Variants in PDZD9 observed in about 807,000 individuals in gnomAD.
PDZD9 encodes PDZ domain containing 9.
A neutral mutation model predicts 16.3 loss-of-function variants in PDZD9; 13 were observed. The ratio of observed to expected loss-of-function variants is 0.80; its 90% CI spans 0.52 to 1.27. The LOEUF is 1.27. Among genes scored for constraint, PDZD9 ranks in the 50% most tolerant of loss-of-function variants. PDZD9 has a pLI of 0.00. For missense variants in PDZD9, 288 were observed against 310.9 expected (o/e 0.93, Z 0.55); for synonymous variants, 120 against 111.0 (o/e 1.08, Z -0.51).
the PDZD9 span, among the ~76,000 whole-genome samples, chr16:21,961,727 C>G: frequency 7.0e-6 from 1 of 143,584 alleles, no homozygotes; most frequent in South Asian, 2.2e-4. Context: ...TCTTGGCTCA[C>G]TGTAACCTCC....
the PDZD9 span, chr16:21,968,657 A>G: frequency 6.2e-7 from 1 of 1,609,788 alleles, no homozygotes; most frequent in Non-Finnish European, 8.5e-7. Context: ...ACCATTTCAC[A>G]AGTGCAAGAA....
At chr16:21,965,917 C>T in the PDZD9 span, among the ~76,000 whole-genome samples, 1 of 152,108 alleles carries the variant, frequency 6.6e-6, no homozygotes. Flanking sequence ...CTCTTAAGCT[C>T]AAGCAGTCCT....
At chr16:21,969,762 C>G in the PDZD9 span, among the ~76,000 whole-genome samples, 1 of 152,074 alleles carries the variant, frequency 6.6e-6, no homozygotes, top group Non-Finnish European at 1.5e-5. Context: ...ATTACCACTA[C>G]CTAATTTCAG....
chr16:21,977,187 A>T, the PDZD9 span, among the ~76,000 whole-genome samples: 1 of 152,110 alleles, frequency 6.6e-6, no homozygotes, highest in Non-Finnish European at 1.5e-5. Context: ...CACTGTCTTT[A>T]CAAAAAGATA....
intron 1 of PDZD9, 56 bp downstream of exon 1, chr16:22,000,961 A>T (rs1000883863): frequency 6.6e-7 from 1 of 1,512,716 alleles, no homozygotes; most frequent in Non-Finnish European, 8.8e-7. Flanking sequence ...GAGGAGGAAC[A>T]TTGACGAAGG....
In PDZD9 at chr16:21,986,328, TCTTA is replaced by T. The variant is rs570768125; in HGVS notation, c.402-1672_402-1669del. Among the ~76,000 whole-genome samples, 55 of 152,358 alleles carry T rather than the reference TCTTA, an allele frequency of 3.6e-4. No homozygotes were observed. The South Asian group carries it at 3.7e-3, about 10-fold the overall frequency. On this transcript the variant is annotated intron_variant, in intron 3 of 3. Coordinates refer to ENST00000424898, the MANE Select transcript of PDZD9 (RefSeq NM_001363519.1). Reference sequence around the variant, plus strand: ...TTGGTATTGTTTGTGGGTTTTCGCCTCTTACTTAAGTTGTACTGTTCTATCTTTT... The same window carrying T: ...TTGGTATTGTTTGTGGGTTTTCGCCTCTTAAGTTGTACTGTTCTATCTTTT...
Position 21,984,246 on chromosome 16 carries a change from G to T in PDZD9, c.*21C>A. 6.3e-7 allele frequency: 1 copy of T among 1,587,326 alleles called. No homozygotes were observed. The highest frequency in any genetic ancestry group is 8.6e-7 in the Non-Finnish European group (1 of 1,165,020). ...AAACTTGGGTGTCTGCAAGATAAATGCTCATATGACCACAGATTTGCTAAC... is the reference window on the plus strand; with the variant it reads ...AAACTTGGGTGTCTGCAAGATAAATTCTCATATGACCACAGATTTGCTAAC... On this transcript the variant is annotated 3_prime_UTR_variant, in exon 4 of 4. Transcript: ENST00000424898.
At chr16:21,983,094 A>G (rs1045051278), downstream of PDZD9, 1 of 1,613,516 alleles carries the variant, frequency 6.2e-7, no homozygotes, top group Non-Finnish European at 8.5e-7. Flanking sequence ...AAAGGCGGCA[A>G]AGAAGTTTGT....
the PDZD9 span, chr16:21,961,394 T>A: frequency 2.5e-6 from 1 of 405,474 alleles, no homozygotes; most frequent in Non-Finnish European, 5.1e-6. Flanking sequence ...ATGAACTAGA[T>A]CCATACGTCA....
the PDZD9 span, chr16:21,961,468 A>G: frequency 4.2e-6 from 1 of 237,912 alleles, no homozygotes; most frequent in South Asian, 4.5e-5. Flanking sequence ...TCTTTAAGGT[A>G]TTTTAATTTT....
chr16:21,989,194 A>G (rs1028254583), intron 2 of PDZD9, among the ~76,000 whole-genome samples: 1 of 151,998 alleles, frequency 6.6e-6, no homozygotes, highest in African/African-American at 2.4e-5. Flanking sequence ...CGGCCTGCCA[A>G]AGTGCTAGGA....
intron 2 of PDZD9, among the ~76,000 whole-genome samples, chr16:21,992,997 C>T (rs1899061090): frequency 6.6e-6 from 1 of 152,152 alleles, no homozygotes; most frequent in South Asian, 2.1e-4. Context: ...TTCACACACT[C>T]ACACTCCCTC....
the PDZD9 span, chr16:21,976,131 T>C: frequency 1.3e-6 from 2 of 1,504,522 alleles, no homozygotes; most frequent in Non-Finnish European, 1.9e-6. Context: ...ACTCTGGTAC[T>C]GACCACAGAT....
chr16:21,996,378 T>C lies in PDZD9; in HGVS notation c.155A>G (p.Gln52Arg). The change falls in exon 2 of 4, where the codon CAG (glutamine) becomes CGG (arginine). Residue 52 changes from glutamine (Q) to arginine (R), a missense_variant. Coordinates refer to ENST00000424898, the MANE Select transcript of PDZD9 (RefSeq NM_001363519.1). ...CCCCTTCCTGATGAGGTGGGTGATC[T>C]GGAGGTAGGGTCCATGCTGGATGAT... ...LIIIQHGPYL[Q>R]ITHLIRKGAA... 9.1e-6 allele frequency: 14 copies of C among 1,536,094 alleles called. No homozygotes were observed. Among genetic ancestry groups the C allele is most frequent in the Non-Finnish European group, 1.2e-5 (14 of 1,146,862 alleles).
At chr16:21,962,874 A>G in the PDZD9 span, 1 of 1,614,182 alleles carries the variant, frequency 6.2e-7, no homozygotes, top group Non-Finnish European at 8.5e-7. Context: ...GCCTTTCAGA[A>G]TCCGCAGACT....
At chr16:21,992,985 C>T in intron 2 of PDZD9, among the ~76,000 whole-genome samples, 1 of 152,150 alleles carries the variant, frequency 6.6e-6, no homozygotes, top group African/African-American at 2.4e-5. Flanking sequence ...GACAGCTCCT[C>T]CTTCACACAC....
the PDZD9 span, among the ~76,000 whole-genome samples, chr16:21,957,908 C>T: frequency 6.6e-6 from 1 of 152,204 alleles, no homozygotes. Context: ...GCAGTCTCTG[C>T]CTTTGTTGTC....
the PDZD9 span, chr16:21,973,994 C>T: frequency 2.5e-6 from 4 of 1,591,034 alleles, no homozygotes; most frequent in Non-Finnish European, 3.4e-6. Context: ...GCAAACTCAC[C>T]AAACTTCTTT....
At chr16:21,962,576 C>G in the PDZD9 span, 1 of 1,610,184 alleles carries the variant, frequency 6.2e-7, no homozygotes, top group Non-Finnish European at 8.5e-7. Context: ...CTGCTCACTT[C>G]TGGTCTTTGT....
Sources: allele counts gnomAD v4.1 joint callset (sites outside exome capture counted in the v4.1 genomes callset), GRCh38; gene constraint gnomAD v4.1.1; transcripts MANE v1.5; gene names NCBI Gene and HGNC (gene_info 2026-07-23, HGNC 2026-07-21).